Variants in PPFIA2 observed in about 807,000 individuals in gnomAD.
PPFIA2 encodes the protein liprin-alpha-2.
PPFIA2 carries 46 observed loss-of-function variants against 175.5 expected under a neutral mutation model. That is an observed-to-expected ratio of 0.26 (90% CI 0.21 to 0.34). The LOEUF is 0.34. Ranked by LOEUF, PPFIA2 falls within the 10% of genes least tolerant of loss-of-function variation. PPFIA2 has a pLI of 1.00. For synonymous variants in PPFIA2, 568 were observed against 511.4 expected, an observed-to-expected ratio of 1.11 and a Z score of -1.49; for missense variants, 1,179 against 1,506.1, an observed-to-expected ratio of 0.78 and a Z score of 3.60.
chr12:81,385,798 T>C (rs2038799902), intron 8 of PPFIA2, among the ~76,000 whole-genome samples: 1 of 152,112 alleles, frequency 6.6e-6, no homozygotes, highest in South Asian at 2.1e-4. Context: ...TTACACAGCA[T>C]GATAGCTACA....
At position 81,274,515 on chromosome 12, in the gene PPFIA2, CT is replaced by C. The variant is rs948500023; in HGVS notation, c.3310+2801del. Among the ~76,000 whole-genome samples the C allele has an allele frequency of 2.7e-3, 410 of 149,132 alleles. 3 individuals carry two copies. Among genetic ancestry groups the C allele is most frequent in the African/African-American group, 8.7e-3 (354 of 40,704 alleles). The stretch of plus-strand genomic sequence containing the variant: ...GTTTCCTCCTCAGAACAAAATACTT[CT>C]TTTTTTTTTCATTTTTAAAGTTAGA... On this transcript the variant is annotated intron_variant, in intron 28 of 32. Transcript: ENST00000549396.
chr12:81,731,296 A>AC (rs142033091), intron 3 of PPFIA2, among the ~76,000 whole-genome samples: 2,898 of 151,778 alleles, frequency 0.019, 86 homozygotes, highest in East Asian at 0.076. Context: ...TGGAAATGTA[A>AC]CTTTCCAGTG....
At position 81,375,229 on chromosome 12, in the gene PPFIA2, C is replaced by T. The variant is rs1456165715; in HGVS notation, c.1132-461G>A. ...CCTCCTGTATCATATGGCCTCAATCCCAAATACTCAACTGCGTTGTAGCAC... is the reference window on the plus strand; with the variant it reads ...CCTCCTGTATCATATGGCCTCAATCTCAAATACTCAACTGCGTTGTAGCAC... On this transcript the variant is annotated intron_variant, in intron 10 of 32. Coordinates refer to ENST00000549396, the MANE Select transcript of PPFIA2 (RefSeq NM_003625.5). Among the ~76,000 whole-genome samples, 3 of 151,996 alleles carry T rather than the reference C, an allele frequency of 2.0e-5. No individual in the cohort carries two copies. The East Asian group carries it at 5.8e-4, about 29-fold the overall frequency.
intron 17 of PPFIA2, among the ~76,000 whole-genome samples, chr12:81,351,901 A>G (rs2060074035): frequency 6.6e-6 from 1 of 152,040 alleles, no homozygotes; most frequent in Non-Finnish European, 1.5e-5. Flanking sequence ...GTGAGACCCT[A>G]TTTAAATAAA....
chr12:81,626,032 G>C (rs1203321582), intron 4 of PPFIA2, among the ~76,000 whole-genome samples: 1 of 151,558 alleles, frequency 6.6e-6, no homozygotes, highest in Non-Finnish European at 1.5e-5. Context: ...TAAGTTGACA[G>C]AAATGTCCAG....
At chr12:81,549,399 C>G (rs1418924120) in intron 4 of PPFIA2, among the ~76,000 whole-genome samples, 1 of 152,002 alleles carries the variant, frequency 6.6e-6, no homozygotes, top group African/African-American at 2.4e-5. Context: ...AGAGACACCA[C>G]AAGAATGGAT....
chr12:81,750,155 CCAGA>C (rs1228588524), intron 3 of PPFIA2, among the ~76,000 whole-genome samples: 2 of 143,194 alleles, frequency 1.4e-5, no homozygotes, highest in Non-Finnish European at 3.1e-5. Flanking sequence ...GGGAAATTAA[CCAGA>C]CAAAGACATT....
intron 3 of PPFIA2, among the ~76,000 whole-genome samples, chr12:81,708,337 T>A (rs914063767): frequency 6.6e-6 from 1 of 152,132 alleles, no homozygotes; most frequent in East Asian, 1.9e-4. Context: ...CTTCAGATGT[T>A]CAGCATCTAT....
At chr12:81,743,112 C>T (rs1044160789) in intron 3 of PPFIA2, among the ~76,000 whole-genome samples, 22 of 151,758 alleles carry the variant, frequency 1.4e-4, no homozygotes, top group African/African-American at 4.8e-4. Context: ...TAAGAACAGA[C>T]GTAGCCAATT....
chr12:81,457,075 G>A (rs2053697080), intron 5 of PPFIA2, among the ~76,000 whole-genome samples: 1 of 151,276 alleles, frequency 6.6e-6, no homozygotes, highest in African/African-American at 2.4e-5. Context: ...GTGCAATCTC[G>A]GTTCACTGCA....
chr12:81,475,548 T>C (rs1367617799), intron 4 of PPFIA2, among the ~76,000 whole-genome samples: 1 of 152,212 alleles, frequency 6.6e-6, no homozygotes, highest in Non-Finnish European at 1.5e-5. Flanking sequence ...TGATTTTAAA[T>C]ATTGACTTGC....
chr12:81,362,025 CTATCTATCTATCT>C (rs2030826369), intron 15 of PPFIA2, among the ~76,000 whole-genome samples: 1 of 150,336 alleles, frequency 6.7e-6, no homozygotes, highest in African/African-American at 2.4e-5. Flanking sequence ...ATCTATCTAT[CTATCTATCTATCT>C]ATCTATCTAT....
intron 8 of PPFIA2, among the ~76,000 whole-genome samples, chr12:81,388,586 G>A (rs772393873): frequency 7.2e-5 from 11 of 151,900 alleles, no homozygotes; most frequent in Non-Finnish European, 1.2e-4. Context: ...GGGTGTTTAC[G>A]GAGGCACATA....
intron 15 of PPFIA2, among the ~76,000 whole-genome samples, chr12:81,358,855 C>A (rs2061231919): frequency 6.6e-6 from 1 of 151,902 alleles, no homozygotes. Context: ...GACATTGTTT[C>A]AAAAGGATGA....
At chr12:81,691,677 T>G (rs959534261) in intron 3 of PPFIA2, among the ~76,000 whole-genome samples, 29 of 152,098 alleles carry the variant, frequency 1.9e-4, no homozygotes, top group African/African-American at 6.3e-4. Flanking sequence ...ATTTGCCAAG[T>G]GTCTTTCACA....
At chr12:81,716,749 C>T (rs1425744540) in intron 3 of PPFIA2, among the ~76,000 whole-genome samples, 2 of 151,686 alleles carry the variant, frequency 1.3e-5, no homozygotes, top group Non-Finnish European at 2.9e-5. Flanking sequence ...TCATGTATTT[C>T]ACTTTTTAAA....
chr12:81,272,923 C>T (rs1229433203), intron 28 of PPFIA2, among the ~76,000 whole-genome samples: 1 of 152,210 alleles, frequency 6.6e-6, no homozygotes, highest in East Asian at 1.9e-4. Context: ...TATATGTGTT[C>T]TGTAATATGT....
chr12:81,333,757 T>C (rs1434757872), intron 21 of PPFIA2, among the ~76,000 whole-genome samples: 2 of 152,158 alleles, frequency 1.3e-5, no homozygotes, highest in African/African-American at 4.8e-5. Context: ...TCTTTTCACT[T>C]AGGATTCCTC....
chr12:81,715,295 TAAG>T (rs1400011711), intron 3 of PPFIA2, among the ~76,000 whole-genome samples: 3 of 151,806 alleles, frequency 2.0e-5, no homozygotes, highest in African/African-American at 7.2e-5. Context: ...TTATTAATCT[TAAG>T]AGAATTTAAT....
Sources: gnomAD v4.1 joint callset for allele counts (sites outside exome capture counted in the v4.1 genomes callset) on GRCh38, gnomAD v4.1.1 for gene constraint, MANE v1.5 for transcripts, NCBI Gene and HGNC (gene_info 2026-07-23, HGNC 2026-07-21) for gene names.